The following CAPN8 variants were observed in gnomAD, a reference collection of about 807,000 sequenced individuals.
The protein encoded by CAPN8 is calpain 8.
Under a neutral mutation model 80.9 loss-of-function variants are expected in CAPN8, and 87 were observed. That is an observed-to-expected ratio of 1.07 (90% confidence interval 0.90 to 1.28). The LOEUF is 1.28. Among genes scored for constraint, CAPN8 ranks in the 50% most tolerant of loss-of-function variants. The pLI is 0.00. For missense variants in CAPN8, 757 were observed against 702.0 expected (o/e 1.08, Z -0.89); for synonymous variants, 299 against 273.8 (o/e 1.09, Z -0.91).
intron 10 of CAPN8, among the ~76,000 whole-genome samples, chr1:223,614,298 G>A (rs1371642566): frequency 6.6e-6 from 1 of 152,050 alleles, no homozygotes; most frequent in East Asian, 1.9e-4. Flanking sequence ...TACTCAAGAG[G>A]CTGAGGCAGG....
At chr1:223,609,622 G>A (rs1558338898) in intron 11 of CAPN8, among the ~76,000 whole-genome samples, 1 of 152,154 alleles carries the variant, frequency 6.6e-6, no homozygotes, top group Admixed American at 6.5e-5. Context: ...CCAGTTAAAC[G>A]AAGGTTGAGG....
chr1:223,622,960 ATG>A (rs1657448542), intron 6 of CAPN8, 60 bp from the exon 7 acceptor site: 1 of 1,345,438 alleles, frequency 7.4e-7, no homozygotes, highest in South Asian at 1.3e-5. Flanking sequence ...CCTTGCAGGC[ATG>A]TCTGCACCTG....
intron 13 of CAPN8, among the ~76,000 whole-genome samples, chr1:223,556,926 G>T (rs1474337540): frequency 1.3e-5 from 2 of 152,138 alleles, no homozygotes; most frequent in Non-Finnish European, 2.9e-5. Flanking sequence ...GCTGGCATCA[G>T]CAACTGAGGC....
At position 223,553,856 on chromosome 1, in the gene CAPN8, C is replaced by A. The variant is rs1656852573; in HGVS notation, c.1617G>T (p.Arg539Ser). 5.0e-6 allele frequency: 2 copies of A among 398,674 alleles called. No homozygotes were observed. Among genetic ancestry groups the A allele is most frequent in the Non-Finnish European group, 8.8e-6 (2 of 226,096 alleles). 24.7% of individuals were successfully genotyped at this position (398,674 alleles called of 1,614,324 possible). A position where few individuals can be genotyped will look rare whatever the true frequency, so the allele number is the denominator to read the frequency against. ...CCTTCCCTGCCAACTTCTCAAACAG[C>A]CTCCTGAACTGGTCATCTTCCTGAT... is the stretch of plus-strand genomic sequence containing the variant. ...EVDQEDDQFR[R>S]LFEKLAGKDS... Residue 539 changes from arginine to serine, a missense_variant, in exon 14 of 21, where the codon AGG (arginine) becomes AGT (serine). Coordinates refer to ENST00000366872, the MANE Select transcript of CAPN8 (RefSeq NM_001143962.2).
intron 2 of CAPN8, among the ~76,000 whole-genome samples, chr1:223,635,048 A>G (rs1657878109): frequency 6.6e-6 from 1 of 152,230 alleles, no homozygotes. Context: ...GAGCAAAATA[A>G]TGAATGCTGT....
intron 16 of CAPN8, among the ~76,000 whole-genome samples, chr1:223,548,311 T>C (rs1277323026): frequency 1.3e-5 from 2 of 152,210 alleles, no homozygotes; most frequent in African/African-American, 4.8e-5. Context: ...AAGGAAGTGA[T>C]GTTACACCAC....
chr1:223,664,611 C>A (rs1414533987), intron 1 of CAPN8, among the ~76,000 whole-genome samples: 1 of 152,180 alleles, frequency 6.6e-6, no homozygotes, highest in African/African-American at 2.4e-5. Context: ...CAAAGCTCAT[C>A]CATGCTCTTC....
chr1:223,613,921 A>T (rs1347320781), intron 10 of CAPN8, among the ~76,000 whole-genome samples: 1 of 152,232 alleles, frequency 6.6e-6, no homozygotes, highest in African/African-American at 2.4e-5. Context: ...TCATGCTCTA[A>T]ATTATATGCC....
chr1:223,620,930 G>T (rs558932067), intron 7 of CAPN8, among the ~76,000 whole-genome samples: 1 of 150,304 alleles, frequency 6.7e-6, no homozygotes, highest in African/African-American at 2.5e-5. Context: ...ATATGTATGT[G>T]ACATCTAAGT....
intron 2 of CAPN8, among the ~76,000 whole-genome samples, chr1:223,649,969 C>G (rs1179178794): frequency 2.0e-5 from 3 of 152,136 alleles, no homozygotes; most frequent in Non-Finnish European, 2.9e-5. Flanking sequence ...CCATCACAAC[C>G]ACCTGACCAG....
chr1:223,633,277 A>G (rs1657824559), intron 2 of CAPN8, among the ~76,000 whole-genome samples: 1 of 152,138 alleles, frequency 6.6e-6, no homozygotes, highest in Non-Finnish European at 1.5e-5. Flanking sequence ...TAAAGTTGGG[A>G]ATAGCCTTTC....
intron 11 of CAPN8, among the ~76,000 whole-genome samples, chr1:223,611,885 C>A (rs1657039091): frequency 6.6e-6 from 1 of 152,174 alleles, no homozygotes; most frequent in African/African-American, 2.4e-5. Context: ...TAAAGCTGAG[C>A]AGGGTGGATG....
rs185846925 is a variant in CAPN8, at chr1:223,655,456, A to G, written c.238-1057T>C. On this transcript the variant is annotated intron_variant, in intron 1 of 20. Coordinates refer to ENST00000366872, the MANE Select transcript of CAPN8 (RefSeq NM_001143962.2). Reference sequence around the variant, plus strand: ...AGGATTTTTTGAGTGCCCGTTCTGTATCCAGTACCCTTTGAACCATGGCAG... The same window carrying G: ...AGGATTTTTTGAGTGCCCGTTCTGTGTCCAGTACCCTTTGAACCATGGCAG... Among the ~76,000 whole-genome samples the G allele has an allele frequency of 1.6e-4, 24 of 152,314 alleles. 2 individuals are homozygous for G. Among genetic ancestry groups the G allele is most frequent in the Admixed American group, 1.4e-3 (21 of 15,304 alleles).
At chr1:223,664,294 T>C (rs1011013614) in intron 1 of CAPN8, among the ~76,000 whole-genome samples, 4 of 152,238 alleles carry the variant, frequency 2.6e-5, no homozygotes, top group Admixed American at 6.5e-5. Context: ...ATTCATGACC[T>C]TGCGCAACCG....
At position 223,625,728 on chromosome 1, in the gene CAPN8, T is replaced by C. The variant is rs1440351686; in HGVS notation, c.813+77A>G. The C allele has an allele frequency of 2.3e-6, 3 of 1,324,778 alleles. No individual in the cohort carries two copies. The East Asian group carries it at 7.7e-5, about 34-fold the overall frequency. The allele number at this position is 1,324,778 out of a possible 1,614,324, so 82.1% of individuals were successfully genotyped here. A position where few individuals can be genotyped will look rare whatever the true frequency, so the allele number is the denominator to read the frequency against. On this transcript the variant is annotated intron_variant, in intron 6 of 20. Transcript: ENST00000366872. ...CGAACCTTCTAGTAGTAATCACCTC[T>C]TTCCTCCTGTCGAGATGGCTTGGAT...
At chr1:223,554,396 G>A (rs1656861097) in intron 13 of CAPN8, among the ~76,000 whole-genome samples, 1 of 152,064 alleles carries the variant, frequency 6.6e-6, no homozygotes, top group East Asian at 1.9e-4. Flanking sequence ...GAGGCGGGCA[G>A]GTCACGTAAG....
intron 16 of CAPN8, 93 bp from the exon 17 acceptor site, chr1:223,545,392 C>A (rs1656593096): frequency 6.5e-7 from 1 of 1,527,200 alleles, no homozygotes; most frequent in East Asian, 2.5e-5. Context: ...GCCTTAAGGC[C>A]TTAGTGAACC....
At chr1:223,558,501 T>C (rs1656954926) in intron 12 of CAPN8, among the ~76,000 whole-genome samples, 1 of 152,134 alleles carries the variant, frequency 6.6e-6, no homozygotes, top group Non-Finnish European at 1.5e-5. Flanking sequence ...AGAAGGGTGA[T>C]CCCTGTAGAA....
intron 13 of CAPN8, among the ~76,000 whole-genome samples, chr1:223,554,456 C>T (rs1656862422): frequency 6.6e-6 from 1 of 151,944 alleles, no homozygotes; most frequent in Non-Finnish European, 1.5e-5. Flanking sequence ...CCCATTTCTA[C>T]AAAAAATACA....
Sources: allele counts gnomAD v4.1 joint callset (sites outside exome capture counted in the v4.1 genomes callset), GRCh38; gene constraint gnomAD v4.1.1; transcripts MANE v1.5; gene names NCBI Gene and HGNC (gene_info 2026-07-23, HGNC 2026-07-21).